Variants in THEMIS observed in about 807,000 individuals in gnomAD.
The protein encoded by THEMIS is protein THEMIS.
A neutral mutation model predicts 52.6 loss-of-function variants in THEMIS; 37 were observed. The observed-to-expected ratio is 0.70, with a 90% CI of 0.54 to 0.93. The LOEUF is 0.93. Among genes scored for constraint, THEMIS ranks in the 40% least tolerant of loss-of-function variants. The pLI is 0.00. For missense variants in THEMIS, 808 were observed against 763.1 expected, an observed-to-expected ratio of 1.06 and a Z score of -0.69; for synonymous variants, 292 against 272.7, an observed-to-expected ratio of 1.07 and a Z score of -0.70.
chr6:127,723,348 T>G (rs1185660409), intron 4 of THEMIS, among the ~76,000 whole-genome samples: 2 of 151,812 alleles, frequency 1.3e-5, no homozygotes, highest in East Asian at 3.9e-4. Context: ...CTTCTTTTGG[T>G]TTCTGATGTT....
chr6:127,757,915 T>C (rs1311248613), intron 4 of THEMIS, among the ~76,000 whole-genome samples: 1 of 152,096 alleles, frequency 6.6e-6, no homozygotes, highest in Non-Finnish European at 1.5e-5. Flanking sequence ...ATTTAGACAA[T>C]AATTATTCTC....
At chr6:127,791,441 G>T (rs1777152559) in intron 4 of THEMIS, among the ~76,000 whole-genome samples, 2 of 152,138 alleles carry the variant, frequency 1.3e-5, no homozygotes, top group African/African-American at 2.4e-5. Context: ...CTCAAGTCTG[G>T]CTGAGTCCAA....
At chr6:127,837,191 G>A (rs1052245376) in intron 2 of THEMIS, among the ~76,000 whole-genome samples, 1 of 151,908 alleles carries the variant, frequency 6.6e-6, no homozygotes, top group Non-Finnish European at 1.5e-5. Context: ...AGAAAACGAT[G>A]AAAACTTACC....
At chr6:127,793,675 C>T (rs1777233110) in intron 4 of THEMIS, among the ~76,000 whole-genome samples, 1 of 152,120 alleles carries the variant, frequency 6.6e-6, no homozygotes, top group Non-Finnish European at 1.5e-5. Context: ...GCAAAGCAAC[C>T]TGTAGATATT....
intron 4 of THEMIS, among the ~76,000 whole-genome samples, chr6:127,774,876 C>T (rs1201678559): frequency 3.3e-5 from 5 of 152,160 alleles, no homozygotes; most frequent in Non-Finnish European, 5.9e-5. Context: ...GAGGGTGGAA[C>T]TTCCTCTTGA....
intron 2 of THEMIS, among the ~76,000 whole-genome samples, chr6:127,848,511 C>G (rs1363410577): frequency 6.6e-6 from 1 of 152,010 alleles, no homozygotes; most frequent in Non-Finnish European, 1.5e-5. Flanking sequence ...CTGTCTTCCA[C>G]AATGGTTGAA....
intron 3 of THEMIS, among the ~76,000 whole-genome samples, chr6:127,823,524 G>A (rs2114641718): frequency 6.6e-6 from 1 of 152,126 alleles, no homozygotes; most frequent in Admixed American, 6.5e-5. Context: ...ATTCTTTCAT[G>A]TACTTGATTT....
chr6:127,866,176 C>T (rs1455708812), intron 1 of THEMIS, among the ~76,000 whole-genome samples: 2 of 151,930 alleles, frequency 1.3e-5, no homozygotes, highest in South Asian at 2.1e-4. Context: ...TTTCTTCCTT[C>T]GTTTTCTGTT....
At chr6:127,883,793 T>C (rs1291047847) in intron 1 of THEMIS, among the ~76,000 whole-genome samples, 1 of 152,158 alleles carries the variant, frequency 6.6e-6, no homozygotes, top group Admixed American at 6.6e-5. Context: ...TCTGAGCACA[T>C]TTAAGGTAGG....
intron 2 of THEMIS, among the ~76,000 whole-genome samples, chr6:127,832,392 T>C (rs986840513): frequency 1.3e-5 from 2 of 152,196 alleles, no homozygotes; most frequent in Admixed American, 1.3e-4. Flanking sequence ...TTAACTTATC[T>C]CTTCATATAC....
downstream of THEMIS, among the ~76,000 whole-genome samples, chr6:127,706,483 C>A (rs924987999): frequency 1.3e-5 from 2 of 152,100 alleles, no homozygotes; most frequent in Non-Finnish European, 2.9e-5. Flanking sequence ...TTAATCAGTT[C>A]ATTCAGCAAA....
chr6:127,821,647 A>G (rs1778344934), intron 3 of THEMIS, among the ~76,000 whole-genome samples: 1 of 151,598 alleles, frequency 6.6e-6, no homozygotes, highest in African/African-American at 2.4e-5. Flanking sequence ...GGTGAATGCT[A>G]ATCATAATGT....
At chr6:127,698,197 C>T in the THEMIS span, among the ~76,000 whole-genome samples, 1 of 152,072 alleles carries the variant, frequency 6.6e-6, no homozygotes, top group Non-Finnish European at 1.5e-5. Flanking sequence ...CTTTGACAAC[C>T]TATTGTGAAT....
intron 2 of THEMIS, among the ~76,000 whole-genome samples, chr6:127,852,325 C>A (rs945411557): frequency 5.3e-5 from 8 of 151,384 alleles, no homozygotes; most frequent in African/African-American, 1.9e-4. Flanking sequence ...TCAACAATGA[C>A]TAAAACTAGA....
rs67013117 is a variant in THEMIS, at chr6:127,734,913, A to ATGTGTG, written c.1759-15096_1759-15091dup. Among the ~76,000 whole-genome samples the ATGTGTG allele has an allele frequency of 7.5e-5, 8 of 106,446 alleles. No individual in the cohort carries two copies. In the East Asian group the frequency reaches 1.5e-3, roughly 19 times the overall value. 69.8% of individuals were successfully genotyped at this position (106,446 alleles called of 152,430 possible). A position where few individuals can be genotyped will look rare whatever the true frequency, so the allele number is the denominator to read the frequency against. ...AAAAAAAAAATATATATATATATATATGTGTGTGTGTGTGTGTGTGTGTGT... is the reference window on the plus strand; with the variant it reads ...AAAAAAAAAATATATATATATATATATGTGTGTGTGTGTGTGTGTGTGTGTGTGTGT... On this transcript the variant is annotated intron_variant, in intron 4 of 5. Coordinates refer to ENST00000368248, the MANE Select transcript of THEMIS (RefSeq NM_001010923.3).
At chr6:127,832,383 T>A (rs1778724776) in intron 2 of THEMIS, among the ~76,000 whole-genome samples, 1 of 152,188 alleles carries the variant, frequency 6.6e-6, no homozygotes, top group South Asian at 2.1e-4. Flanking sequence ...AATATTTGAT[T>A]AACTTATCTC....
At chr6:127,795,620 G>A (rs946697738) in intron 4 of THEMIS, among the ~76,000 whole-genome samples, 2 of 152,116 alleles carry the variant, frequency 1.3e-5, no homozygotes, top group Non-Finnish European at 2.9e-5. Flanking sequence ...GAGCCACCGC[G>A]CCCGGCCACC....
downstream of THEMIS, among the ~76,000 whole-genome samples, chr6:127,706,392 A>G (rs1236182630): frequency 6.6e-6 from 1 of 152,060 alleles, no homozygotes; most frequent in African/African-American, 2.4e-5. Flanking sequence ...GAGGCTCACA[A>G]ACTTATCCAA....
chr6:127,822,495 T>C (rs1481427772), intron 3 of THEMIS, among the ~76,000 whole-genome samples: 1 of 152,064 alleles, frequency 6.6e-6, no homozygotes, highest in African/African-American at 2.4e-5. Context: ...CTGAGAGTTA[T>C]TTAAAATGAA....
Sources: gnomAD v4.1 joint callset for allele counts (sites outside exome capture counted in the v4.1 genomes callset) on GRCh38, gnomAD v4.1.1 for gene constraint, MANE v1.5 for transcripts, NCBI Gene and HGNC (gene_info 2026-07-23, HGNC 2026-07-21) for gene names.